The following MRPL30 variants were observed in gnomAD, a reference collection of about 807,000 sequenced individuals.
The protein encoded by MRPL30 is large ribosomal subunit protein uL30m.
Under a neutral mutation model 17.2 loss-of-function variants are expected in MRPL30, and 10 were observed. The observed-to-expected ratio is 0.58, with a 90% confidence interval of 0.36 to 0.99. MRPL30 has a LOEUF of 0.99. MRPL30 is among the 50% of genes least tolerant of loss of function. The pLI is 0.01. For synonymous variants in MRPL30, 61 were observed against 62.1 expected, an observed-to-expected ratio of 0.98 and a Z score of 0.08; for missense variants, 170 against 189.8, an observed-to-expected ratio of 0.90 and a Z score of 0.61.
intron 1 of MRPL30, among the ~76,000 whole-genome samples, chr2:99,185,194 T>TC (rs2093931941): frequency 6.6e-6 from 1 of 150,446 alleles, no homozygotes; most frequent in Admixed American, 6.7e-5. Context: ...AACAGTTTCA[T>TC]CCGGAAACCT....
At chr2:99,192,430 G>A (rs937190062) in intron 3 of MRPL30, among the ~76,000 whole-genome samples, 3 of 151,992 alleles carry the variant, frequency 2.0e-5, no homozygotes, top group East Asian at 3.9e-4. Context: ...CTTTGCCCCC[G>A]ACTCCCCGTG....
chr2:99,182,291 C>T (rs1046885885), intron 1 of MRPL30, among the ~76,000 whole-genome samples: 1 of 152,232 alleles, frequency 6.6e-6, no homozygotes. Context: ...CGTGGTGGCT[C>T]ACGCCTGTAA....
intron 3 of MRPL30, among the ~76,000 whole-genome samples, chr2:99,191,134 G>A (rs939019296): frequency 1.3e-5 from 2 of 151,846 alleles, no homozygotes; most frequent in African/African-American, 4.8e-5. Flanking sequence ...AGCCTCCCAA[G>A]TAGCTGGGAT....
rs376587689 is a variant in MRPL30, at chr2:99,195,553, C to T, written c.354-20C>T. 3.4e-5 allele frequency: 54 copies of T among 1,589,440 alleles called. No homozygotes were observed. The highest frequency in any genetic ancestry group is 3.3e-4 in the Middle Eastern group (2 of 5,976). On this transcript the variant is annotated intron_variant, in intron 5 of 5. Transcript: ENST00000338148. ...CTAGAACGTATTCCTCCTATCTAAA[C>T]GCATTTTCTTGTGTCACAGAATCAA...
At chr2:99,190,779 G>T (rs2093943728) in intron 3 of MRPL30, among the ~76,000 whole-genome samples, 1 of 152,224 alleles carries the variant, frequency 6.6e-6, no homozygotes, top group East Asian at 1.9e-4. Flanking sequence ...GAGACCACCA[G>T]GAAAAATAGC....
intron 3 of MRPL30, among the ~76,000 whole-genome samples, chr2:99,192,704 A>C (rs890030486): frequency 2.0e-5 from 3 of 152,220 alleles, no homozygotes; most frequent in Non-Finnish European, 4.4e-5. Context: ...ATACATGTGC[A>C]TGTGTCTTTA....
chr2:99,194,621 GA>G (rs2093952080), intron 3 of MRPL30, 129 bp from the exon 4 acceptor site: 1 of 762,210 alleles, frequency 1.3e-6, no homozygotes, highest in Non-Finnish European at 2.1e-6. Context: ...TGAGGTTGAG[GA>G]TTACATGATG....
intron 1 of MRPL30, among the ~76,000 whole-genome samples, chr2:99,183,082 A>G (rs1460656121): frequency 6.6e-6 from 1 of 152,156 alleles, no homozygotes; most frequent in Non-Finnish European, 1.5e-5. Flanking sequence ...AGATAAGGAA[A>G]TTAGCCATGT....
intron 1 of MRPL30, among the ~76,000 whole-genome samples, chr2:99,182,314 C>T (rs1239029483): frequency 1.3e-5 from 2 of 152,120 alleles, no homozygotes; most frequent in Non-Finnish European, 2.9e-5. Context: ...TCAGCACTTT[C>T]GGAGGCCGAG....
At chr2:99,184,210 T>C (rs140015460) in intron 1 of MRPL30, among the ~76,000 whole-genome samples, 3 of 152,206 alleles carry the variant, frequency 2.0e-5, no homozygotes, top group African/African-American at 7.2e-5. Flanking sequence ...CCCATCGTTA[T>C]GTTTTTTCCA....
At chr2:99,192,766 G>A (rs937221079) in intron 3 of MRPL30, among the ~76,000 whole-genome samples, 1 of 152,132 alleles carries the variant, frequency 6.6e-6, no homozygotes. Context: ...TGGGATTGCT[G>A]AGTCCAATGG....
intron 3 of MRPL30, among the ~76,000 whole-genome samples, chr2:99,190,584 T>C (rs534994455): frequency 6.6e-6 from 1 of 152,320 alleles, no homozygotes; most frequent in East Asian, 1.9e-4. Context: ...ATCTTTTTTA[T>C]TTTTCAAGTC....
rs1001607199 is a variant in MRPL30, at chr2:99,198,777, C to T, written c.*3072C>T. 6.6e-6 allele frequency among the ~76,000 whole-genome samples: 1 copy of T among 152,132 alleles called. No homozygotes were observed. Among genetic ancestry groups the T allele is most frequent in the African/African-American group, 2.4e-5 (1 of 41,422 alleles). On this transcript the variant is annotated 3_prime_UTR_variant, in exon 6 of 6. Coordinates refer to ENST00000338148, the MANE Select transcript of MRPL30 (RefSeq NM_145212.4). ...CTTGACTTTGTGTCTTTGAGGATTG[C>T]TTTGTTTAGTGTCACCTGCCTTCTT...
intron 1 of MRPL30, among the ~76,000 whole-genome samples, chr2:99,182,599 G>A (rs753987139): frequency 6.6e-6 from 1 of 152,180 alleles, no homozygotes; most frequent in Non-Finnish European, 1.5e-5. Context: ...TGAGTCAAAC[G>A]TGGTGACACA....
At chr2:99,186,371 C>T (rs2093934116) in intron 2 of MRPL30, 117 bp downstream of exon 2, 1 of 928,424 alleles carries the variant, frequency 1.1e-6, no homozygotes, top group African/African-American at 1.7e-5. Flanking sequence ...CTCTCTCTGT[C>T]ACCCAGGCTG....
intron 2 of MRPL30, among the ~76,000 whole-genome samples, chr2:99,186,617 T>C (rs1343997132): frequency 6.6e-6 from 1 of 152,168 alleles, no homozygotes; most frequent in East Asian, 1.9e-4. Flanking sequence ...CACCAGTTCC[T>C]TTTCGAAATG....
chr2:99,182,004 G>C (rs747654197), intron 1 of MRPL30, among the ~76,000 whole-genome samples: 2 of 151,038 alleles, frequency 1.3e-5, no homozygotes, highest in Non-Finnish European at 2.9e-5. Flanking sequence ...AAAGACAAAA[G>C]AACTATCGGT....
chr2:99,196,195 T>C lies in MRPL30; in HGVS notation c.*490T>C, dbSNP rs2093954975. The C allele has an allele frequency of 6.3e-6, 1 of 157,850 alleles. No individual in the cohort carries two copies. Among genetic ancestry groups the C allele is most frequent in the African/African-American group, 2.4e-5 (1 of 41,464 alleles). The allele number at this position is 157,850 out of a possible 1,614,324, so 9.8% of individuals were successfully genotyped here. ...TAATTCTCTGTCCTTTCCCTTTCAC[T>C]GTTTCACTCCAAAACATGTAAGAAT... On this transcript the variant is annotated 3_prime_UTR_variant, in exon 6 of 6. Transcript: ENST00000338148.
In MRPL30 at chr2:99,195,124, C is replaced by G; in HGVS notation, c.288C>G (p.Thr96=). ...IKMLGLEKAH[T]PQVHKNIPSV... Reference sequence around the variant, plus strand: ...GTTGTTGTTGTTCACAGGCACATACCCCTCAAGTTCACAAGAATATCCCTT... The same window carrying G: ...GTTGTTGTTGTTCACAGGCACATACGCCTCAAGTTCACAAGAATATCCCTT... Residue 96 remains threonine (T), a synonymous_variant, in exon 5 of 6, where the codon ACC becomes ACG. Coordinates refer to ENST00000338148, the MANE Select transcript of MRPL30 (RefSeq NM_145212.4). 1.9e-6 allele frequency: 3 copies of G among 1,596,602 alleles called. No individual in the cohort carries two copies. Among genetic ancestry groups the G allele is most frequent in the Non-Finnish European group, 2.6e-6 (3 of 1,174,478 alleles).
Sources: gnomAD v4.1 joint callset for allele counts (sites outside exome capture counted in the v4.1 genomes callset) on GRCh38, gnomAD v4.1.1 for gene constraint, MANE v1.5 for transcripts, NCBI Gene and HGNC (gene_info 2026-07-23, HGNC 2026-07-21) for gene names.